The following LYPD6 variants were observed in gnomAD, a reference collection of about 807,000 sequenced individuals.
LYPD6 encodes ly6/PLAUR domain-containing protein 6.
Under a neutral mutation model 22.7 loss-of-function variants are expected in LYPD6, and 15 were observed. The ratio of observed to expected loss-of-function variants is 0.66; its 90% CI spans 0.44 to 1.02. The LOEUF is 1.02. LYPD6 is among the 50% of genes least tolerant of loss of function. The pLI is 0.00. For synonymous variants in LYPD6, 72 were observed against 77.5 expected, an observed-to-expected ratio of 0.93 and a Z score of 0.37; for missense variants, 189 against 208.4, an observed-to-expected ratio of 0.91 and a Z score of 0.57.
intron 1 of LYPD6, among the ~76,000 whole-genome samples, chr2:149,434,744 C>T (rs887070339): frequency 3.3e-5 from 5 of 152,192 alleles, no homozygotes; most frequent in African/African-American, 1.2e-4. Flanking sequence ...GGGTCTGAGG[C>T]AGGGAAAGTA....
At chr2:149,419,723 A>G (rs1041524052) in intron 1 of LYPD6, among the ~76,000 whole-genome samples, 1 of 152,322 alleles carries the variant, frequency 6.6e-6, no homozygotes, top group Admixed American at 6.5e-5. Context: ...GCATAAAAAC[A>G]GGAATTAGAA....
intron 4 of LYPD6, among the ~76,000 whole-genome samples, 185 bp from the exon 5 acceptor site, chr2:149,470,498 T>C (rs1260379338): frequency 6.6e-6 from 1 of 152,164 alleles, no homozygotes; most frequent in Admixed American, 6.5e-5. Flanking sequence ...AGTTTTCATG[T>C]TGACCAGATT....
At chr2:149,460,660 C>T (rs750820831) in intron 3 of LYPD6, among the ~76,000 whole-genome samples, 13 of 152,128 alleles carry the variant, frequency 8.5e-5, no homozygotes, top group Non-Finnish European at 1.8e-4. Flanking sequence ...ACAGAACACT[C>T]CATCCAGCAA....
intron 1 of LYPD6, among the ~76,000 whole-genome samples, chr2:149,407,650 C>G (rs935229679): frequency 2.0e-4 from 31 of 152,188 alleles, no homozygotes; most frequent in Middle Eastern, 3.4e-3. Context: ...TTTTTTCAAA[C>G]TTTTCAACTT....
At chr2:149,445,862 C>T (rs879415342) in intron 2 of LYPD6, among the ~76,000 whole-genome samples, 1 of 152,188 alleles carries the variant, frequency 6.6e-6, no homozygotes, top group Non-Finnish European at 1.5e-5. Flanking sequence ...AGAACCTTTC[C>T]TTTATATTTA....
At chr2:149,445,080 T>A (rs1227564195) in intron 2 of LYPD6, among the ~76,000 whole-genome samples, 1 of 152,222 alleles carries the variant, frequency 6.6e-6, no homozygotes, top group Non-Finnish European at 1.5e-5. Context: ...TTCCCAGGCA[T>A]GAAAACGACA....
At chr2:149,441,440 A>G in intron 2 of LYPD6, among the ~76,000 whole-genome samples, 1 of 152,208 alleles carries the variant, frequency 6.6e-6, no homozygotes, top group Non-Finnish European at 1.5e-5. Context: ...CAGAACAGCC[A>G]TCACTGATAA....
At chr2:149,410,390 A>G (rs1682826085) in intron 1 of LYPD6, among the ~76,000 whole-genome samples, 1 of 152,102 alleles carries the variant, frequency 6.6e-6, no homozygotes, top group Admixed American at 6.5e-5. Flanking sequence ...TACATGAGCC[A>G]TTTCCTATGG....
intron 2 of LYPD6, among the ~76,000 whole-genome samples, chr2:149,445,606 C>T (rs1683670210): frequency 6.6e-6 from 1 of 152,154 alleles, no homozygotes; most frequent in Admixed American, 6.5e-5. Flanking sequence ...TGGATTTTTT[C>T]CTTAAACCTT....
chr2:149,370,334 C>T (rs1681779471), intron 1 of LYPD6, among the ~76,000 whole-genome samples: 1 of 152,046 alleles, frequency 6.6e-6, no homozygotes, highest in Non-Finnish European at 1.5e-5. Flanking sequence ...CTGCTGTGGT[C>T]TGTGTTCCTC....
intron 2 of LYPD6, 30 bp from the exon 3 acceptor site, chr2:149,449,019 T>C (rs754692265): frequency 2.0e-6 from 3 of 1,518,162 alleles, no homozygotes; most frequent in Non-Finnish European, 2.7e-6. Context: ...TGTCTAAAAA[T>C]TAATCTTTTC....
At chr2:149,407,671 G>T (rs1381429976) in intron 1 of LYPD6, among the ~76,000 whole-genome samples, 1 of 152,060 alleles carries the variant, frequency 6.6e-6, no homozygotes, top group Non-Finnish European at 1.5e-5. Flanking sequence ...CTTTGCCTTT[G>T]GTTTGAATTT....
chr2:149,336,097 T>C (rs1681029509), intron 1 of LYPD6, among the ~76,000 whole-genome samples: 1 of 152,162 alleles, frequency 6.6e-6, no homozygotes, highest in African/African-American at 2.4e-5. Context: ...TCCCTCCTCA[T>C]TCATGACCTT....
At chr2:149,435,439 A>T (rs1183819108) in intron 1 of LYPD6, among the ~76,000 whole-genome samples, 1 of 152,196 alleles carries the variant, frequency 6.6e-6, no homozygotes, top group African/African-American at 2.4e-5. Context: ...CTACGTACAG[A>T]TTGGGAGGAG....
chr2:149,456,536 T>C (rs1322302134), intron 3 of LYPD6, among the ~76,000 whole-genome samples: 1 of 152,180 alleles, frequency 6.6e-6, no homozygotes, highest in Non-Finnish European at 1.5e-5. Context: ...AATGAGACCA[T>C]ATTTGGAAAT....
intron 1 of LYPD6, among the ~76,000 whole-genome samples, chr2:149,405,845 T>A (rs1283079239): frequency 6.8e-6 from 1 of 147,944 alleles, no homozygotes; most frequent in African/African-American, 2.6e-5. Flanking sequence ...GTTTTGGATC[T>A]TTCCTGCTTT....
intron 1 of LYPD6, among the ~76,000 whole-genome samples, chr2:149,332,915 A>G (rs542798558): frequency 7.2e-5 from 11 of 152,242 alleles, no homozygotes; most frequent in Non-Finnish European, 1.2e-4. Context: ...TGTTAAAGGT[A>G]CATATAATCA....
At chr2:149,337,522 T>C (rs1197499624) in intron 1 of LYPD6, among the ~76,000 whole-genome samples, 3 of 152,130 alleles carry the variant, frequency 2.0e-5, no homozygotes, top group African/African-American at 4.8e-5. Context: ...TTTGTTTCTT[T>C]CCTTGGCTCT....
Position 149,470,676 on chromosome 2 carries a change from C to T in LYPD6, c.349-7C>T, listed in dbSNP as rs1358597142. 1 of 1,607,790 alleles carries T rather than the reference C, an allele frequency of 6.2e-7. No homozygotes were observed. The highest frequency in any genetic ancestry group is 8.5e-7 in the Non-Finnish European group (1 of 1,175,498). ...TCTCATTATCTTTTTTTCTTCCTTT[C>T]TTTCAGGTCTGCACTTCTTGTTGTG... On this transcript the variant is annotated splice_region_variant and splice_polypyrimidine_tract_variant and intron_variant, in intron 4 of 4. Coordinates refer to ENST00000334166, the MANE Select transcript of LYPD6 (RefSeq NM_194317.5).
Sources: gnomAD v4.1 joint callset for allele counts (sites outside exome capture counted in the v4.1 genomes callset) on GRCh38, gnomAD v4.1.1 for gene constraint, MANE v1.5 for transcripts, NCBI Gene and HGNC (gene_info 2026-07-23, HGNC 2026-07-21) for gene names.